Variants in PPP2R1B observed in about 807,000 individuals in gnomAD.
PPP2R1B encodes the protein protein phosphatase 2 scaffold subunit Abeta.
In PPP2R1B, 58 loss-of-function variants were observed where a neutral mutation model predicts 72.7. The observed-to-expected ratio is 0.80, with a 90% CI of 0.65 to 0.99. The LOEUF is 0.99. Among genes scored for constraint, PPP2R1B ranks in the 50% least tolerant of loss-of-function variants. The probability of loss-of-function intolerance (pLI) is 0.00; values close to 1 mark genes in which losing one functional copy is unlikely to be tolerated. For synonymous variants in PPP2R1B, 256 were observed against 264.6 expected, an observed-to-expected ratio of 0.97 and a Z score of 0.32; for missense variants, 695 against 733.6, an observed-to-expected ratio of 0.95 and a Z score of 0.61.
At chr11:111,714,369 G>A in the PPP2R1B span, among the ~76,000 whole-genome samples, 1 of 152,332 alleles carries the variant, frequency 6.6e-6, no homozygotes, top group Middle Eastern at 3.4e-3. Context: ...AACAACTGAA[G>A]GAACAGTTGT....
chr11:111,692,215 G>T, the PPP2R1B span, among the ~76,000 whole-genome samples: 1 of 151,732 alleles, frequency 6.6e-6, no homozygotes, highest in Non-Finnish European at 1.5e-5. Flanking sequence ...GCCAGGAATG[G>T]CAGCATGCGC....
chr11:111,742,947 T>G (rs983101570), intron 12 of PPP2R1B, among the ~76,000 whole-genome samples: 2 of 151,834 alleles, frequency 1.3e-5, no homozygotes, highest in African/African-American at 2.4e-5. Flanking sequence ...TGGCGCGATC[T>G]CAGCTCACTG....
At position 111,739,804 on chromosome 11, in the gene PPP2R1B, G is replaced by A. The variant is rs1944459486; in HGVS notation, c.*1792C>T. The A allele has an allele frequency of 1.0e-6, 1 of 966,968 alleles. No homozygotes were observed. The highest frequency in any genetic ancestry group is 1.2e-6 in the Non-Finnish European group (1 of 813,218). 59.9% of individuals were successfully genotyped at this position (966,968 alleles called of 1,614,324 possible). A position where few individuals can be genotyped will look rare whatever the true frequency, so the allele number is the denominator to read the frequency against. ...AAATTAAAATGTTTACAGAATAATA[G>A]CATAAGATATTAAAATGAGAATATA... is the stretch of plus-strand genomic sequence containing the variant. On this transcript the variant is annotated 3_prime_UTR_variant, in exon 15 of 15. Coordinates refer to ENST00000527614, the MANE Select transcript of PPP2R1B (RefSeq NM_002716.5).
Position 111,739,828 on chromosome 11 carries a change from T to C in PPP2R1B, c.*1768A>G, listed in dbSNP as rs537771027. The C allele has an allele frequency of 6.7e-5, 65 of 971,822 alleles. No homozygotes were observed. The highest frequency in any genetic ancestry group is 6.4e-5 in the Non-Finnish European group (52 of 817,600). The allele number at this position is 971,822 out of a possible 1,614,324, so 60.2% of individuals were successfully genotyped here. ...AGCATAAGATATTAAAATGAGAATA[T>C]AGAAAAAGATTTGTGCTTAGGAAAA... On this transcript the variant is annotated 3_prime_UTR_variant, in exon 15 of 15. Transcript: ENST00000527614.
intron 9 of PPP2R1B, 110 bp downstream of exon 9, chr11:111,753,333 A>G (rs1465515542): frequency 2.9e-6 from 4 of 1,395,558 alleles, no homozygotes; most frequent in African/African-American, 2.9e-5. Context: ...ATAAGTTATG[A>G]TTTTTTTATC....
In PPP2R1B at chr11:111,747,978, A is replaced by G; in HGVS notation, c.1375T>C (p.Cys459Arg). 6.2e-7 allele frequency: 1 copy of G among 1,613,546 alleles called. No homozygotes were observed. Among genetic ancestry groups the G allele is most frequent in the Non-Finnish European group, 8.5e-7 (1 of 1,179,782 alleles). The change falls in exon 11 of 15, where the codon TGT becomes CGT. Residue 459 changes from cysteine (C) to arginine (R), a missense_variant. By Grantham distance (180) the Cys-to-Arg change is radical. Coordinates refer to ENST00000527614, the MANE Select transcript of PPP2R1B (RefSeq NM_002716.5). ...EFFDEKLNSL[C>R]MAWLVDHVYA... is the part of the protein sequence containing the mutation. ...CCATGGTCCACGAGCCAAGCCATAC[A>G]TAAAGAATTCAGCTTTTCATCAAAG...
intron 3 of PPP2R1B, among the ~76,000 whole-genome samples, chr11:111,761,753 G>A (rs782792529): frequency 1.2e-4 from 19 of 152,206 alleles, no homozygotes; most frequent in African/African-American, 1.9e-4. Context: ...GAGGTCAGGA[G>A]CTCGAGACCA....
At chr11:111,705,965 T>G in the PPP2R1B span, among the ~76,000 whole-genome samples, 1 of 152,148 alleles carries the variant, frequency 6.6e-6, no homozygotes, top group Admixed American at 6.5e-5. This position sits in a 1 kb window ranked among gnomAD's most constrained non-coding sequence, Gnocchi z 4.3. Flanking sequence ...AGAACCATCT[T>G]AGAGGTAGAC....
chr11:111,749,576 C>A (rs139703388), intron 10 of PPP2R1B, among the ~76,000 whole-genome samples: 3 of 152,146 alleles, frequency 2.0e-5, no homozygotes, highest in African/African-American at 7.2e-5. Flanking sequence ...TGAGCCACTA[C>A]GCCTGGCCTA....
At chr11:111,693,331 C>CAAA in the PPP2R1B span, among the ~76,000 whole-genome samples, 4 of 93,624 alleles carry the variant, frequency 4.3e-5, no homozygotes, top group Non-Finnish European at 4.4e-5. Flanking sequence ...GACTCCGTCT[C>CAAA]AAAAAAAAAA....
the PPP2R1B span, among the ~76,000 whole-genome samples, chr11:111,691,008 A>G: frequency 6.6e-6 from 1 of 152,230 alleles, no homozygotes; most frequent in Non-Finnish European, 1.5e-5. Context: ...AAGTGCTGTC[A>G]CTAACATCTC....
chr11:111,749,063 TC>T (rs2136067125), intron 10 of PPP2R1B, among the ~76,000 whole-genome samples: 1 of 152,252 alleles, frequency 6.6e-6, no homozygotes, highest in South Asian at 2.1e-4. Context: ...CAGGCTGGTC[TC>T]TTAACTCCTG....
intron 3 of PPP2R1B, among the ~76,000 whole-genome samples, 161 bp downstream of exon 3, chr11:111,764,644 C>T (rs1945451238): frequency 6.6e-6 from 1 of 151,400 alleles, no homozygotes; most frequent in Non-Finnish European, 1.5e-5. Context: ...GAGTTGAGTG[C>T]AAAGTGCCTA....
At chr11:111,712,243 T>C in the PPP2R1B span, 8 of 1,614,230 alleles carry the variant, frequency 5.0e-6, no homozygotes, top group Non-Finnish European at 6.8e-6. Flanking sequence ...TGACCATGCA[T>C]TCACCGAACA....
the PPP2R1B span, among the ~76,000 whole-genome samples, chr11:111,698,706 A>T: frequency 6.6e-6 from 1 of 152,230 alleles, no homozygotes; most frequent in Admixed American, 6.5e-5. Flanking sequence ...GCAAGACCCT[A>T]TCTCAAAAAA....
At chr11:111,711,900 G>T in the PPP2R1B span, among the ~76,000 whole-genome samples, 3 of 152,220 alleles carry the variant, frequency 2.0e-5, no homozygotes, top group Non-Finnish European at 4.4e-5. Context: ...TATGTTTGTT[G>T]AATTGAACGA....
At chr11:111,765,470 T>TTA (rs1282747434) in intron 1 of PPP2R1B, 86 bp from the exon 2 acceptor site, 8 of 1,058,408 alleles carry the variant, frequency 7.6e-6, no homozygotes, top group Non-Finnish European at 1.0e-5. Flanking sequence ...CAGGTGAAAT[T>TTA]ATGACACAGG....
the PPP2R1B span, among the ~76,000 whole-genome samples, chr11:111,693,738 C>T: frequency 6.6e-6 from 1 of 152,126 alleles, no homozygotes; most frequent in Non-Finnish European, 1.5e-5. Context: ...TAGCTATAAC[C>T]TTGGGCCGAT....
At chr11:111,724,148 G>C, downstream of PPP2R1B, 1 of 1,595,914 alleles carries the variant, frequency 6.3e-7, no homozygotes, top group Non-Finnish European at 8.5e-7. Flanking sequence ...CAGGAATTGA[G>C]GTGGGTCAGG....
Sources: allele counts gnomAD v4.1 joint callset (sites outside exome capture counted in the v4.1 genomes callset), GRCh38; gene constraint gnomAD v4.1.1; non-coding constraint Gnocchi (gnomAD v3.1); transcripts MANE v1.5; gene names NCBI Gene and HGNC (gene_info 2026-07-23, HGNC 2026-07-21).